Variants in CRYBG3 observed in about 807,000 individuals in gnomAD.
CRYBG3 encodes very large A-kinase anchor protein.
A neutral mutation model predicts 244.2 loss-of-function variants in CRYBG3; 127 were observed. The observed-to-expected ratio is 0.52, with a 90% CI of 0.45 to 0.60. The LOEUF is 0.60. CRYBG3 is among the 20% of genes least tolerant of loss of function. The pLI is 0.00. For missense variants in CRYBG3, 3,325 were observed against 3,442.5 expected, an observed-to-expected ratio of 0.97 and a Z score of 0.85; for synonymous variants, 1,132 against 1,195.8, an observed-to-expected ratio of 0.95 and a Z score of 1.10.
chr3:97,862,924 T>A (rs2039171906), intron 2 of CRYBG3, among the ~76,000 whole-genome samples: 1 of 152,226 alleles, frequency 6.6e-6, no homozygotes, highest in Non-Finnish European at 1.5e-5. Flanking sequence ...ATCAGTTTGC[T>A]GAGTTAATAA....
chr3:97,854,393 G>A (rs1383018703), intron 2 of CRYBG3, among the ~76,000 whole-genome samples: 1 of 151,922 alleles, frequency 6.6e-6, no homozygotes, highest in East Asian at 1.9e-4. Flanking sequence ...AAGAATGATG[G>A]TGGTATTTTG....
chr3:97,843,318 A>C lies in CRYBG3; in HGVS notation c.216+57A>C, dbSNP rs2038848225. The C allele has an allele frequency of 6.2e-6, 5 of 808,244 alleles. No homozygotes were observed. In the East Asian group the frequency reaches 1.3e-4, roughly 22 times the overall value. The allele number at this position is 808,244 out of a possible 1,614,324, so 50.1% of individuals were successfully genotyped here. On this transcript the variant is annotated intron_variant, in intron 2 of 21. Transcript: ENST00000389622. The stretch of plus-strand genomic sequence containing the variant: ...AAGCAAATATCTTAAATTGCTGTTA[A>C]TTCTTTTAGATTCTGTCATCTTATT...
Position 97,879,461 on chromosome 3 carries a change from G to C in CRYBG3, c.6844-243G>C, listed in dbSNP as rs563642899. On this transcript the variant is annotated intron_variant, in intron 4 of 21. Coordinates refer to ENST00000389622, the MANE Select transcript of CRYBG3 (RefSeq NM_153605.4). ...TGTAACTTAGTCCCCTGGCTTAGTA[G>C]AGCTATGCAAATATGATCATCTGTT... 4.6e-5 allele frequency among the ~76,000 whole-genome samples: 7 copies of C among 152,264 alleles called. No homozygotes were observed. The South Asian group carries it at 1.5e-3, about 32-fold the overall frequency.
At chr3:97,895,545 T>C (rs2039630271) in intron 11 of CRYBG3, among the ~76,000 whole-genome samples, 1 of 152,246 alleles carries the variant, frequency 6.6e-6, no homozygotes, top group South Asian at 2.1e-4. Context: ...GTAAAAATCA[T>C]TTTGTCATTC....
intron 17 of CRYBG3, among the ~76,000 whole-genome samples, chr3:97,932,504 G>A (rs2040108551): frequency 6.6e-6 from 1 of 152,024 alleles, no homozygotes. Context: ...TCCCTTGTGA[G>A]GGTCACTGTG....
intron 1 of CRYBG3, among the ~76,000 whole-genome samples, chr3:97,827,559 C>G (rs1334735517): frequency 6.6e-6 from 1 of 152,144 alleles, no homozygotes; most frequent in Non-Finnish European, 1.5e-5. Context: ...AAGAGCTTAA[C>G]CAAGTGTGTG....
At chr3:97,894,363 A>G (rs1285541866) in intron 11 of CRYBG3, among the ~76,000 whole-genome samples, 2 of 121,132 alleles carry the variant, frequency 1.7e-5, no homozygotes, top group Non-Finnish European at 1.9e-5. Context: ...TGTCTGTGAC[A>G]TCTGCAAGAG....
chr3:97,894,894 T>C (rs1313651796), intron 11 of CRYBG3, among the ~76,000 whole-genome samples: 1 of 152,176 alleles, frequency 6.6e-6, no homozygotes, highest in Non-Finnish European at 1.5e-5. Flanking sequence ...TTCCAATTCA[T>C]GTGGACCCTC....
At chr3:97,850,895 G>A (rs953758018) in intron 2 of CRYBG3, among the ~76,000 whole-genome samples, 3 of 152,150 alleles carry the variant, frequency 2.0e-5, no homozygotes, top group Non-Finnish European at 4.4e-5. Context: ...ACTTTGGGAG[G>A]CTGAGGCGGG....
intron 17 of CRYBG3, among the ~76,000 whole-genome samples, chr3:97,932,867 T>C (rs2040113863): frequency 6.6e-6 from 1 of 152,094 alleles, no homozygotes; most frequent in African/African-American, 2.4e-5. Context: ...ACTGCATCCT[T>C]TGAGACTGAG....
At chr3:97,844,835 C>T (rs545450771) in intron 2 of CRYBG3, among the ~76,000 whole-genome samples, 4 of 152,196 alleles carry the variant, frequency 2.6e-5, no homozygotes, top group African/African-American at 7.2e-5. Context: ...TTTTGAGTGC[C>T]GAGGATAATT....
At chr3:97,909,710 A>C (rs563423073) in intron 15 of CRYBG3, among the ~76,000 whole-genome samples, 91 of 151,898 alleles carry the variant, frequency 6.0e-4, no homozygotes, top group East Asian at 1.9e-3. Flanking sequence ...CCCGTAGCTC[A>C]GAGTAATTTG....
chr3:97,931,228 A>G (rs961949166), intron 17 of CRYBG3, among the ~76,000 whole-genome samples: 8 of 152,130 alleles, frequency 5.3e-5, no homozygotes, highest in African/African-American at 1.9e-4. Flanking sequence ...AACAGCATTC[A>G]TAGGGTTACT....
Position 97,864,535 on chromosome 3 carries a change from A to G in CRYBG3, c.535A>G (p.Arg179Gly). ...GAGAGAGATTTTCAGTGGCTCCCTA[A>G]GAACCCAGACACATCCAACAGAAGA... ...REREIFSGSL[R>G]TQTHPTEEQD... The change falls in exon 3 of 22, where the codon AGA becomes GGA. Residue 179 changes from arginine (R) to glycine (G), a missense_variant. Transcript: ENST00000389622. The G allele has an allele frequency of 2.6e-6, 4 of 1,535,960 alleles. No individual in the cohort carries two copies. In the South Asian group the frequency reaches 3.6e-5, roughly 14 times the overall value.
chr3:97,874,574 A>G lies in CRYBG3; in HGVS notation c.3380A>G (p.Glu1127Gly). The change falls in exon 4 of 22, where the codon GAA becomes GGA. Residue 1127 changes from glutamate to glycine, a missense_variant. Physicochemically the swap from Glu to Gly is moderately conservative, Grantham distance 98 (BLOSUM62 -2). Transcript: ENST00000389622. ...SIGTEVTPFQ[E>G]HFGIYTGKIS... ...GGGACAGAAGTAACCCCATTTCAGG[A>G]ACATTTTGGGATTTATACTGGGAAG... 17 of 1,535,988 alleles carry G rather than the reference A, an allele frequency of 1.1e-5. No homozygotes were observed. The highest frequency in any genetic ancestry group is 1.5e-5 in the Non-Finnish European group (17 of 1,146,838).
chr3:97,854,782 C>T (rs142894372), intron 2 of CRYBG3, among the ~76,000 whole-genome samples: 39 of 151,898 alleles, frequency 2.6e-4, no homozygotes, highest in African/African-American at 8.2e-4. Flanking sequence ...TCTAGAAACA[C>T]GATCATATCA....
At chr3:97,909,747 TC>T (rs1400156576) in intron 15 of CRYBG3, among the ~76,000 whole-genome samples, 3 of 151,634 alleles carry the variant, frequency 2.0e-5, no homozygotes, top group Non-Finnish European at 4.4e-5. Context: ...TTCTCTCAGC[TC>T]GTCAAAGTCA....
chr3:97,908,166 A>C (rs893493672), intron 15 of CRYBG3, among the ~76,000 whole-genome samples: 4 of 152,096 alleles, frequency 2.6e-5, no homozygotes, highest in African/African-American at 9.7e-5. Context: ...TTTACTTCCA[A>C]GTATGTGGTC....
In CRYBG3 at chr3:97,877,703, G is replaced by T. The variant is rs761041275; in HGVS notation, c.6509G>T (p.Arg2170Leu). Residue 2170 changes from arginine to leucine, a missense_variant, in exon 4 of 22, where the codon CGT becomes CTT. By Grantham distance (102) the Arg-to-Leu change is moderately radical. Transcript: ENST00000389622. ...GATCTGAGAGCTGGAAGTGGGGAGCGTGTTACCTTCCAGTTGCCAGATCCT... is the reference window on the plus strand; with the variant it reads ...GATCTGAGAGCTGGAAGTGGGGAGCTTGTTACCTTCCAGTTGCCAGATCCT... ...KGDLRAGSGE[R>L]VTFQLPDPSI... The T allele has an allele frequency of 1.2e-6, 2 of 1,614,004 alleles. No homozygotes were observed. Among genetic ancestry groups the T allele is most frequent in the South Asian group, 1.1e-5 (1 of 91,076 alleles).
Sources: allele counts gnomAD v4.1 joint callset (sites outside exome capture counted in the v4.1 genomes callset), GRCh38; gene constraint gnomAD v4.1.1; transcripts MANE v1.5; gene names NCBI Gene and HGNC (gene_info 2026-07-23, HGNC 2026-07-21).